The following SMG5 variants were observed in gnomAD, a reference collection of about 807,000 sequenced individuals.
SMG5 encodes the protein nonsense-mediated mRNA decay factor SMG5.
Under a neutral mutation model 122.9 loss-of-function variants are expected in SMG5, and 53 were observed. The observed-to-expected ratio is 0.43, with a 90% CI of 0.35 to 0.54. The LOEUF (loss-of-function observed/expected upper bound fraction) is 0.54. Ranked by LOEUF, SMG5 falls within the 20% of genes least tolerant of loss-of-function variation. The pLI is 0.01. For missense variants in SMG5, 1,153 were observed against 1,285.6 expected (o/e 0.90, Z 1.58); for synonymous variants, 477 against 490.2 (o/e 0.97, Z 0.35).
Position 156,252,494 on chromosome 1 carries a change from G to T in SMG5, c.2673C>A (p.Gly891=). Residue 891 remains glycine (G), a synonymous_variant, in exon 19 of 22, where the codon GGC becomes GGA. Coordinates refer to ENST00000361813, the MANE Select transcript of SMG5 (RefSeq NM_015327.3). ...IVIIPRTVID[G]LDLLKKEHPG... Reference sequence around the variant, plus strand: ...GGTGTTCCTTCTTCAGCAAATCCAGGCCATCGATCACTGGTGGGCAAGGTA... The same window carrying T: ...GGTGTTCCTTCTTCAGCAAATCCAGTCCATCGATCACTGGTGGGCAAGGTA... The T allele has an allele frequency of 3.1e-6, 5 of 1,613,976 alleles. No homozygotes were observed. The highest frequency in any genetic ancestry group is 3.4e-6 in the Non-Finnish European group (4 of 1,179,994).
chr1:156,280,389 A>C (rs1381171550), intron 1 of SMG5, among the ~76,000 whole-genome samples: 1 of 152,248 alleles, frequency 6.6e-6, no homozygotes, highest in Non-Finnish European at 1.5e-5. Flanking sequence ...CAGGAGGCAC[A>C]CTACTAAGCT....
In SMG5 at chr1:156,249,612, G is replaced by A. The variant is rs1216747423; in HGVS notation, c.*975C>T. On this transcript the variant is annotated 3_prime_UTR_variant, in exon 22 of 22. Transcript: ENST00000361813. ...AGCCCCTTCAGGTCTTCAGTCCTGCGGAAGGCAAAAGGAGGGACGGGGGCC... is the reference window on the plus strand; with the variant it reads ...AGCCCCTTCAGGTCTTCAGTCCTGCAGAAGGCAAAAGGAGGGACGGGGGCC... 15 of 396,178 alleles carry A rather than the reference G, an allele frequency of 3.8e-5. No individual in the cohort carries two copies. The highest frequency in any genetic ancestry group is 1.2e-4 in the South Asian group (6 of 51,260). The allele number at this position is 396,178 out of a possible 1,614,324, so 24.5% of individuals were successfully genotyped here. A position where few individuals can be genotyped will look rare whatever the true frequency, so the allele number is the denominator to read the frequency against.
At chr1:156,283,084 G>T, upstream of SMG5, 1 of 393,404 alleles carries the variant, frequency 2.5e-6, no homozygotes, top group East Asian at 3.7e-5. Flanking sequence ...ACAGCTAGGA[G>T]CGTGACTGCT....
chr1:156,266,197 G>T lies in SMG5; in HGVS notation c.1439C>A (p.Ser480Ter). 1 of 1,614,214 alleles carries T rather than the reference G, an allele frequency of 6.2e-7. No individual in the cohort carries two copies. The highest frequency in any genetic ancestry group is 8.5e-7 in the Non-Finnish European group (1 of 1,180,046). ...CCGGGCTGAGTCATGGCTTGAGTCCGATTCAAAGCCTTCACTCAGGTCACT... is the reference window on the plus strand; with the variant it reads ...CCGGGCTGAGTCATGGCTTGAGTCCTATTCAAAGCCTTCACTCAGGTCACT... ...DDSDLSEGFE[S>*]DSSHDSARAS... Residue 480 changes from serine (S) to a stop codon, truncating the protein, a stop_gained, in exon 12 of 22, where the codon TCG becomes TAG. Transcript: ENST00000361813. LOFTEE classifies it high-confidence loss of function.
chr1:156,259,615 T>C (rs983505257), intron 15 of SMG5, among the ~76,000 whole-genome samples: 2 of 152,118 alleles, frequency 1.3e-5, no homozygotes, highest in African/African-American at 4.8e-5. Context: ...CTGCAGCCTC[T>C]ACCTCCTGGG....
the SMG5 span, chr1:156,291,392 T>G: frequency 6.2e-7 from 1 of 1,614,146 alleles, no homozygotes; most frequent in Non-Finnish European, 8.5e-7. Flanking sequence ...TAGGCTGATC[T>G]ACTGGCTGAC....
chr1:156,253,327 A>T, intron 17 of SMG5, 122 bp downstream of exon 17: 1 of 1,059,874 alleles, frequency 9.4e-7, no homozygotes, highest in Non-Finnish European at 1.4e-6. Flanking sequence ...CATCTGGGAG[A>T]GGCGGAGGGA....
rs1274216439 is a variant in SMG5, at chr1:156,266,168, T to A, written c.1468A>T (p.Ser490Cys). 1 of 1,614,260 alleles carries A rather than the reference T, an allele frequency of 6.2e-7. No individual in the cohort carries two copies. The highest frequency in any genetic ancestry group is 1.3e-5 in the African/African-American group (1 of 75,068). ...TCAGAGCCACTGTCTGAGCCCTCAC[T>A]GGCCCGGGCTGAGTCATGGCTTGAG... ...SDSSHDSARASEGSDSGSDKS... is the reference protein window; with the variant it reads ...SDSSHDSARACEGSDSGSDKS... Residue 490 changes from serine to cysteine, a missense_variant, in exon 12 of 22, where the codon AGT (serine) becomes TGT (cysteine). Physicochemically the swap from Ser to Cys is moderately radical, Grantham distance 112. This residue lies in a region of SMG5 where 631 missense variants were observed against 650.6 expected (regional missense o/e 0.97). Transcript: ENST00000361813.
Position 156,252,349 on chromosome 1 carries a change from A to C in SMG5, c.2753+65T>G, listed in dbSNP as rs1201972067. The C allele has an allele frequency of 4.3e-5, 65 of 1,503,748 alleles. No homozygotes were observed. The South Asian group carries it at 7.0e-4, about 16-fold the overall frequency. 93.2% of individuals were successfully genotyped at this position (1,503,748 alleles called of 1,614,324 possible). A position where few individuals can be genotyped will look rare whatever the true frequency, so the allele number is the denominator to read the frequency against. ...TACCCATAGGGAGCAAGGGGCTTTC[A>C]TAAGCATGTGTTATCCAAAAGACAG... On this transcript the variant is annotated intron_variant, in intron 19 of 21. Coordinates refer to ENST00000361813, the MANE Select transcript of SMG5 (RefSeq NM_015327.3).
At chr1:156,260,006 A>C (rs895286080) in intron 15 of SMG5, among the ~76,000 whole-genome samples, 9 of 152,190 alleles carry the variant, frequency 5.9e-5, no homozygotes, top group African/African-American at 2.2e-4. Context: ...CTGCCCCCAG[A>C]TGGCCCATGT....
At chr1:156,269,290 TC>T (rs1216851799) in intron 7 of SMG5, among the ~76,000 whole-genome samples, 1 of 152,088 alleles carries the variant, frequency 6.6e-6, no homozygotes, top group African/African-American at 2.4e-5. Flanking sequence ...TTTTAACTTT[TC>T]TTTTGTAGAG....
At chr1:156,282,382 A>G (rs1476010790) in intron 1 of SMG5, among the ~76,000 whole-genome samples, 1 of 152,060 alleles carries the variant, frequency 6.6e-6, no homozygotes, top group Non-Finnish European at 1.5e-5. Context: ...CTCACTGCAG[A>G]GGGGATTCCT....
In SMG5 at chr1:156,279,052, C is replaced by T. The variant is rs754096480; in HGVS notation, c.75-18G>A. On this transcript the variant is annotated intron_variant, in intron 1 of 21. Coordinates refer to ENST00000361813, the MANE Select transcript of SMG5 (RefSeq NM_015327.3). ...CCACAGCCCTGTAGGGAAATACAGG[C>T]AAATATCCCCTCAGCCATATGCATG... 1 of 1,596,384 alleles carries T rather than the reference C, an allele frequency of 6.3e-7. No individual in the cohort carries two copies. Among genetic ancestry groups the T allele is most frequent in the Non-Finnish European group, 8.6e-7 (1 of 1,163,964 alleles).
At chr1:156,265,719 C>A in intron 12 of SMG5, 62 bp downstream of exon 12, 3 of 1,562,052 alleles carry the variant, frequency 1.9e-6, no homozygotes, top group Non-Finnish European at 8.7e-7. Flanking sequence ...AGCGGCCTCT[C>A]TGGTGAGTGT....
intron 1 of SMG5, 136 bp downstream of exon 1, chr1:156,282,471 C>T (rs947232862): frequency 6.8e-6 from 6 of 883,416 alleles, no homozygotes; most frequent in Non-Finnish European, 1.0e-5. Flanking sequence ...GGACCCCGCC[C>T]CGCCTCCAAA....
Position 156,252,998 on chromosome 1 carries a change from G to A in SMG5, c.2583C>T (p.Thr861=). 2 of 1,613,406 alleles carry A rather than the reference G, an allele frequency of 1.2e-6. No individual in the cohort carries two copies. Among genetic ancestry groups the A allele is most frequent in the Non-Finnish European group, 1.7e-6 (2 of 1,179,822 alleles). ...CAGGGAGATGGTGGCAGAGGGCCTG[G>A]GTGTCAGGGACGAGGTAGGGAGACA... The part of the protein sequence containing the change: ...SAMSPYLVPD[T]QALCHHLPVI... Residue 861 remains threonine (T), a synonymous_variant, in exon 18 of 22, where the codon ACC becomes ACT. Coordinates refer to ENST00000361813, the MANE Select transcript of SMG5 (RefSeq NM_015327.3).
At chr1:156,287,582 T>G (rs1210456050), upstream of SMG5, among the ~76,000 whole-genome samples, 2 of 149,332 alleles carry the variant, frequency 1.3e-5, no homozygotes, top group African/African-American at 4.9e-5. Flanking sequence ...GTGTGAGCTC[T>G]CCTCGCAGCC....
chr1:156,261,213 G>C (rs1661809019), intron 14 of SMG5, 120 bp downstream of exon 14: 3 of 906,194 alleles, frequency 3.3e-6, no homozygotes, highest in Admixed American at 1.8e-5. Flanking sequence ...TGCTAGGGAG[G>C]CTGGCAGTGA....
intron 19 of SMG5, 104 bp from the exon 20 acceptor site, chr1:156,251,581 G>C (rs966682579): frequency 3.5e-6 from 4 of 1,134,986 alleles, no homozygotes; most frequent in Non-Finnish European, 5.3e-6. Context: ...TGCAGGCGGG[G>C]CTGGGGAACA....
Sources: allele counts gnomAD v4.1 joint callset (sites outside exome capture counted in the v4.1 genomes callset), GRCh38; gene constraint gnomAD v4.1.1; regional missense constraint gnomAD v4.1.1; transcripts MANE v1.5; gene names NCBI Gene and HGNC (gene_info 2026-07-23, HGNC 2026-07-21).